DISC1: variants seen among roughly 807,000 people sequenced by gnomAD.
The protein encoded by DISC1 is DISC1 scaffold protein.
A neutral mutation model predicts 84.5 loss-of-function variants in DISC1; 57 were observed. That is an observed-to-expected ratio of 0.67 (90% CI 0.55 to 0.84). The LOEUF is 0.84. Among genes scored for constraint, DISC1 ranks in the 40% least tolerant of loss-of-function variants. DISC1 has a pLI of 0.00. For missense variants in DISC1, 1,000 were observed against 1,057.8 expected, an observed-to-expected ratio of 0.95 and a Z score of 0.76; for synonymous variants, 411 against 415.2, an observed-to-expected ratio of 0.99 and a Z score of 0.12.
At chr1:231,691,532 A>C (rs1299008970) in intron 1 of DISC1, among the ~76,000 whole-genome samples, 1 of 152,224 alleles carries the variant, frequency 6.6e-6, no homozygotes, top group Non-Finnish European at 1.5e-5. Context: ...ATTATTTTCT[A>C]CCTAGCCTTT....
At chr1:231,819,028 A>C in intron 9 of DISC1, 1 of 992,604 alleles carries the variant, frequency 1.0e-6, no homozygotes, top group Non-Finnish European at 1.2e-6. Context: ...TCTGCTTGTC[A>C]GAGGAGTTCA....
intron 1 of DISC1, among the ~76,000 whole-genome samples, chr1:231,632,853 C>G (rs2058844396): frequency 6.6e-6 from 1 of 152,122 alleles, no homozygotes; most frequent in Non-Finnish European, 1.5e-5. Context: ...GGCAGATGAC[C>G]TGAGGTCAGG....
intron 6 of DISC1, among the ~76,000 whole-genome samples, chr1:231,776,250 GCTTT>G (rs1388071796): frequency 1.3e-5 from 2 of 152,186 alleles, no homozygotes; most frequent in African/African-American, 2.4e-5. Flanking sequence ...TGCCTAGGAT[GCTTT>G]CTAACATTCT....
Position 231,851,660 on chromosome 1 carries a change from G to A in DISC1, c.1981+33143G>A, listed in dbSNP as rs115763516. On this transcript the variant is annotated intron_variant, in intron 9 of 12. Transcript: ENST00000439617. ...ACAGAGATGGGGAGAGGAGTTGGCC[G>A]TGATGCGTCGTCATGGAGCATCTCA... 2.9e-3 allele frequency among the ~76,000 whole-genome samples: 440 copies of A among 152,240 alleles called. 4 individuals carry two copies. The highest frequency in any genetic ancestry group is 9.6e-3 in the African/African-American group (398 of 41,554).
intron 3 of DISC1, among the ~76,000 whole-genome samples, chr1:231,739,248 T>C (rs1286148178): frequency 6.6e-6 from 1 of 152,254 alleles, no homozygotes; most frequent in Non-Finnish European, 1.5e-5. Flanking sequence ...TAGAATCTTT[T>C]CTACCCTTCC....
intron 1 of DISC1, among the ~76,000 whole-genome samples, chr1:231,640,691 G>C (rs2059568309): frequency 6.6e-6 from 1 of 151,672 alleles, no homozygotes; most frequent in South Asian, 2.1e-4. Context: ...ACAATGCCTG[G>C]CTATTTTTAT....
intron 8 of DISC1, among the ~76,000 whole-genome samples, chr1:231,806,552 C>G (rs2079728185): frequency 6.6e-6 from 1 of 152,156 alleles, no homozygotes; most frequent in Non-Finnish European, 1.5e-5. Context: ...GTAAGAGAAG[C>G]CAAGGAGAAG....
At chr1:231,660,552 C>T (rs1246989285) in intron 1 of DISC1, among the ~76,000 whole-genome samples, 6 of 152,146 alleles carry the variant, frequency 3.9e-5, no homozygotes, top group Admixed American at 6.5e-5. Context: ...TCCCAGCTCA[C>T]GGCAACCTCT....
intron 9 of DISC1, among the ~76,000 whole-genome samples, chr1:231,873,653 G>T (rs2085631978): frequency 1.3e-5 from 2 of 152,196 alleles, no homozygotes; most frequent in South Asian, 2.1e-4. Flanking sequence ...CAAATTTCCA[G>T]CTATCAAGGA....
chr1:232,003,087 AG>A (rs1666918743), intron 10 of DISC1, among the ~76,000 whole-genome samples: 1 of 152,194 alleles, frequency 6.6e-6, no homozygotes, highest in African/African-American at 2.4e-5. Context: ...GAAAAAAAGA[AG>A]GGAATTTTTT....
intron 9 of DISC1, among the ~76,000 whole-genome samples, chr1:231,857,885 G>C (rs1462475657): frequency 6.6e-6 from 1 of 152,186 alleles, no homozygotes; most frequent in Non-Finnish European, 1.5e-5. Context: ...AAGGTTTATA[G>C]AGGAGAAACC....
chr1:231,875,449 C>T (rs1170558039), intron 9 of DISC1, among the ~76,000 whole-genome samples: 2 of 152,172 alleles, frequency 1.3e-5, no homozygotes, highest in Non-Finnish European at 2.9e-5. Context: ...TAAGGATGGC[C>T]AGCTGCCTAC....
chr1:231,644,498 G>A (rs1046973411), intron 1 of DISC1, among the ~76,000 whole-genome samples: 2 of 152,234 alleles, frequency 1.3e-5, no homozygotes, highest in African/African-American at 4.8e-5. Context: ...GGGTTTTACT[G>A]TGAGGCCATT....
intron 10 of DISC1, among the ~76,000 whole-genome samples, chr1:232,007,720 A>G (rs1472395109): frequency 6.6e-6 from 1 of 152,176 alleles, no homozygotes; most frequent in Admixed American, 6.5e-5. Flanking sequence ...GTACTGTTGG[A>G]AAAGCATGAT....
chr1:231,996,207 ATTTG>A (rs1456166313), intron 10 of DISC1, among the ~76,000 whole-genome samples: 2 of 151,836 alleles, frequency 1.3e-5, no homozygotes, highest in African/African-American at 2.4e-5. Context: ...TTTCTTGTAA[ATTTG>A]TTTGTGTTCA....
chr1:231,627,124 C>T (rs553398820), intron 1 of DISC1, among the ~76,000 whole-genome samples, 190 bp downstream of exon 1: 42 of 152,312 alleles, frequency 2.8e-4, no homozygotes, highest in South Asian at 1.4e-3. Context: ...GCTGCCAGCC[C>T]GGCACCAGCG....
chr1:231,989,026 C>T (rs1664841262), intron 10 of DISC1, among the ~76,000 whole-genome samples: 1 of 152,198 alleles, frequency 6.6e-6, no homozygotes, highest in African/African-American at 2.4e-5. Context: ...CCCATGTCAG[C>T]CTCAGCAGTC....
chr1:231,829,072 T>C (rs1368296821), intron 9 of DISC1, among the ~76,000 whole-genome samples: 3 of 152,210 alleles, frequency 2.0e-5, no homozygotes, highest in African/African-American at 7.2e-5. Flanking sequence ...TACTGTGACT[T>C]ACTTAACTAC....
intron 9 of DISC1, among the ~76,000 whole-genome samples, chr1:231,898,442 A>G (rs1339410933): frequency 6.6e-6 from 1 of 152,236 alleles, no homozygotes; most frequent in East Asian, 1.9e-4. Flanking sequence ...AGTGAAGGGA[A>G]GGATGTTTTG....
Sources: allele counts gnomAD v4.1 joint callset (sites outside exome capture counted in the v4.1 genomes callset), GRCh38; gene constraint gnomAD v4.1.1; transcripts MANE v1.5; gene names NCBI Gene and HGNC (gene_info 2026-07-23, HGNC 2026-07-21).